TRPM8: variants seen among roughly 807,000 people sequenced by gnomAD.
The protein encoded by TRPM8 is transient receptor potential cation channel subfamily M member 8.
A neutral mutation model predicts 133.7 loss-of-function variants in TRPM8; 110 were observed. The observed-to-expected ratio is 0.82, with a 90% CI of 0.70 to 0.96. The LOEUF (loss-of-function observed/expected upper bound fraction) is 0.96. Among genes scored for constraint, TRPM8 ranks in the 40% least tolerant of loss-of-function variants. The pLI is 0.00. For missense variants in TRPM8, 1,291 were observed against 1,379.5 expected (o/e 0.94, Z 1.02); for synonymous variants, 535 against 532.3 (o/e 1.01, Z -0.07).
intron 17 of TRPM8, among the ~76,000 whole-genome samples, chr2:233,974,615 C>A (rs1005352714): frequency 5.9e-5 from 9 of 152,178 alleles, no homozygotes; most frequent in Non-Finnish European, 1.3e-4. Context: ...TCTGGCACAG[C>A]TTCCTGGAGA....
chr2:234,003,148 A>G (rs1030936771), intron 22 of TRPM8, among the ~76,000 whole-genome samples: 7 of 152,168 alleles, frequency 4.6e-5, no homozygotes, highest in African/African-American at 1.7e-4. Flanking sequence ...TGATCATAAC[A>G]TATTTCTGTG....
chr2:233,974,461 T>C (rs988104031), intron 17 of TRPM8, among the ~76,000 whole-genome samples: 13 of 152,188 alleles, frequency 8.5e-5, no homozygotes, highest in African/African-American at 3.1e-4. Flanking sequence ...CTCAATCTCT[T>C]GACCTTGTGA....
At chr2:233,938,010 T>G (rs1230583378) in intron 4 of TRPM8, among the ~76,000 whole-genome samples, 2 of 152,208 alleles carry the variant, frequency 1.3e-5, no homozygotes, top group African/African-American at 4.8e-5. Context: ...CTGCAGGGCC[T>G]GGGCCTCTCA....
chr2:233,947,908 G>T (rs1691084535), intron 8 of TRPM8, among the ~76,000 whole-genome samples: 1 of 152,126 alleles, frequency 6.6e-6, no homozygotes, highest in Non-Finnish European at 1.5e-5. Context: ...TTATCACCCA[G>T]GTAATAAGCA....
At chr2:234,006,991 C>A in intron 23 of TRPM8, 39 bp downstream of exon 23, 1 of 1,499,612 alleles carries the variant, frequency 6.7e-7, no homozygotes. Context: ...AAGGCTCCCT[C>A]TGTAGACATA....
chr2:233,969,861 T>C, intron 16 of TRPM8, 54 bp downstream of exon 16: 1 of 1,064,336 alleles, frequency 9.4e-7, no homozygotes, highest in Non-Finnish European at 1.5e-6. Context: ...TGTGTGTACA[T>C]GCATCCACAT....
At chr2:234,004,605 T>C (rs756498038) in intron 22 of TRPM8, among the ~76,000 whole-genome samples, 3 of 152,248 alleles carry the variant, frequency 2.0e-5, no homozygotes, top group Non-Finnish European at 4.4e-5. Flanking sequence ...GGTACTTTTT[T>C]TGGTGACATC....
At chr2:233,927,896 T>A in intron 2 of TRPM8, among the ~76,000 whole-genome samples, 1 of 74,306 alleles carries the variant, frequency 1.3e-5, no homozygotes, top group South Asian at 5.3e-4. Context: ...CTTTCTTTCT[T>A]TCTTTCTTTC....
chr2:233,950,015 G>A lies in TRPM8; in HGVS notation c.1009G>A (p.Asp337Asn). ...VVVEGSGQIA[D>N]VIASLVEVED... ...GGTGGAAGGCTCGGGCCAGATCGCT[G>A]ATGTGATCGCTAGCCTGGTGGAGGT... Residue 337 changes from aspartate (D) to asparagine (N), a missense_variant, in exon 9 of 26, where the codon GAT becomes AAT. By Grantham distance (23) the Asp-to-Asn change is conservative (BLOSUM62 1). Transcript: ENST00000324695. The A allele has an allele frequency of 6.2e-7, 1 of 1,614,204 alleles. No homozygotes were observed. Among genetic ancestry groups the A allele is most frequent in the Non-Finnish European group, 8.5e-7 (1 of 1,180,040 alleles).
chr2:233,959,403 T>G (rs1691376723), intron 11 of TRPM8, among the ~76,000 whole-genome samples: 1 of 147,204 alleles, frequency 6.8e-6, no homozygotes, highest in Admixed American at 6.8e-5. Flanking sequence ...CTTGGCTCAC[T>G]GCAACCTCTG....
In TRPM8 at chr2:233,981,789, T is replaced by C; in HGVS notation, c.2463T>C (p.Asn821=). The C allele has an allele frequency of 6.2e-7, 1 of 1,611,614 alleles. No individual in the cohort carries two copies. Among genetic ancestry groups the C allele is most frequent in the Non-Finnish European group, 8.5e-7 (1 of 1,179,226 alleles). The change falls in exon 19 of 26, where the codon AAT becomes AAC. Residue 821 remains asparagine (N), a synonymous_variant. Transcript: ENST00000324695. ...AGIVFRLHSS[N]KSSLYSGRVI... is the part of the protein sequence containing the mutation. ...TTCCCCCTAGGCTCCACTCTTCTAA[T>C]AAAAGCTCTTTGTATTCTGGACGAG...
chr2:233,949,030 T>G (rs1691111194), intron 8 of TRPM8, among the ~76,000 whole-genome samples: 1 of 152,056 alleles, frequency 6.6e-6, no homozygotes, highest in Non-Finnish European at 1.5e-5. Flanking sequence ...CAAGACTTTG[T>G]CTCAAAAAAA....
chr2:233,958,862 C>G (rs1309232439), intron 11 of TRPM8, among the ~76,000 whole-genome samples: 1 of 152,108 alleles, frequency 6.6e-6, no homozygotes, highest in Non-Finnish European at 1.5e-5. Context: ...GACCAGGGAT[C>G]AGGCACACAA....
At chr2:233,923,505 G>T (rs1326804138) in intron 1 of TRPM8, among the ~76,000 whole-genome samples, 1 of 152,150 alleles carries the variant, frequency 6.6e-6, no homozygotes, top group African/African-American at 2.4e-5. Flanking sequence ...GTCCCCTGCT[G>T]CCGTGCTCTG....
At position 233,983,215 on chromosome 2, in the gene TRPM8, G is replaced by C; in HGVS notation, c.2752G>C (p.Asp918His). Residue 918 changes from aspartate to histidine, a missense_variant, in exon 20 of 26, where the codon GAC becomes CAC. Asp to His is a moderately conservative substitution (Grantham distance 81, BLOSUM62 -1). Around this residue, in one of 2 missense-constraint regions of TRPM8, gnomAD observed 328 missense variants for 410.6 expected, o/e 0.80. Coordinates refer to ENST00000324695, the MANE Select transcript of TRPM8 (RefSeq NM_024080.5). ...YLAMFGQVPSDVDGTTYDFAH... is the reference protein window; with the variant it reads ...YLAMFGQVPSHVDGTTYDFAH... ...GGCCATGTTCGGCCAGGTGCCCAGT[G>C]ACGTGGATGGTAAGCCTGACTTGGC... 1.9e-6 allele frequency: 3 copies of C among 1,614,156 alleles called. No individual in the cohort carries two copies. Among genetic ancestry groups the C allele is most frequent in the Non-Finnish European group, 1.7e-6 (2 of 1,180,022 alleles).
intron 17 of TRPM8, among the ~76,000 whole-genome samples, chr2:233,977,425 G>T (rs187309030): frequency 6.6e-6 from 1 of 152,114 alleles, no homozygotes; most frequent in Non-Finnish European, 1.5e-5. Flanking sequence ...CCTCAGGATT[G>T]ACCTATTTCC....
chr2:233,988,440 T>C (rs1038846190), intron 21 of TRPM8, among the ~76,000 whole-genome samples: 2 of 152,232 alleles, frequency 1.3e-5, no homozygotes, highest in South Asian at 2.1e-4. Context: ...AGGGTGAAGA[T>C]TGTGCCCGCC....
intron 17 of TRPM8, among the ~76,000 whole-genome samples, chr2:233,973,496 C>T (rs187238154): frequency 4.3e-4 from 66 of 152,312 alleles, no homozygotes; most frequent in African/African-American, 1.3e-3. Flanking sequence ...TCCAAATCTC[C>T]GCTCTCCCTG....
In TRPM8 at chr2:233,991,456, G is replaced by A. The variant is rs544397284; in HGVS notation, c.2940-4870G>A. Among the ~76,000 whole-genome samples the A allele has an allele frequency of 2.7e-4, 41 of 152,298 alleles. 1 individual carries two copies. In the South Asian group the frequency reaches 3.3e-3, roughly 12 times the overall value. On this transcript the variant is annotated intron_variant, in intron 21 of 25. Transcript: ENST00000324695. ...TACACACCAGCGCATCAGAGAGAGC[G>A]AAAAGTCACTGTCACCACGGGCCAT...
Sources: gnomAD v4.1 joint callset for allele counts (sites outside exome capture counted in the v4.1 genomes callset) on GRCh38, gnomAD v4.1.1 for gene constraint, gnomAD v4.1.1 regional missense constraint, MANE v1.5 for transcripts, NCBI Gene and HGNC (gene_info 2026-07-23, HGNC 2026-07-21) for gene names.